The following SPINK6 variants were observed in gnomAD, a reference collection of about 807,000 sequenced individuals.
SPINK6 encodes the protein serine peptidase inhibitor Kazal type 6.
Under a neutral mutation model 11.7 loss-of-function variants are expected in SPINK6, and 13 were observed. The observed-to-expected ratio is 1.11, with a 90% CI of 0.72 to 1.76. The LOEUF is 1.76. Among genes scored for constraint, SPINK6 ranks in the 40% most tolerant of loss-of-function variants. The pLI, the probability that SPINK6 is intolerant of heterozygous loss-of-function variation, is 0.00. For synonymous variants in SPINK6, 21 were observed against 31.9 expected, an observed-to-expected ratio of 0.66 and a Z score of 1.15; for missense variants, 98 against 93.7, an observed-to-expected ratio of 1.05 and a Z score of -0.19.
At chr5:148,214,406 T>C (rs1345116863) in intron 3 of SPINK6, among the ~76,000 whole-genome samples, 3 of 152,222 alleles carry the variant, frequency 2.0e-5, no homozygotes, top group Non-Finnish European at 4.4e-5. Context: ...TCTACACTTA[T>C]ATATAACACA....
At chr5:148,204,744 A>C (rs754875982) in intron 1 of SPINK6, among the ~76,000 whole-genome samples, 5 of 152,134 alleles carry the variant, frequency 3.3e-5, no homozygotes, top group Admixed American at 6.6e-5. Context: ...TGCCATAATA[A>C]AGTTTAATAA....
chr5:148,208,442 G>C (rs1189278712), intron 2 of SPINK6, among the ~76,000 whole-genome samples: 3 of 152,180 alleles, frequency 2.0e-5, no homozygotes, highest in African/African-American at 7.2e-5. Context: ...CAGGACAAAA[G>C]GAAGTAAGAT....
At chr5:148,203,967 T>C (rs1485377991) in intron 1 of SPINK6, among the ~76,000 whole-genome samples, 1 of 152,178 alleles carries the variant, frequency 6.6e-6, no homozygotes, top group African/African-American at 2.4e-5. Flanking sequence ...ATCTCTTCTA[T>C]TAATGGCCTG....
intron 1 of SPINK6, among the ~76,000 whole-genome samples, chr5:148,204,113 T>C (rs777053013): frequency 2.0e-5 from 3 of 147,262 alleles, no homozygotes; most frequent in Non-Finnish European, 3.0e-5. Flanking sequence ...TTTACTACTA[T>C]GCAAGATTTT....
rs751063447 is a variant in SPINK6 at position 148,203,074 on chromosome 5, A to G, written c.-23A>G. The G allele has an allele frequency of 6.2e-7, 1 of 1,600,256 alleles. No individual in the cohort carries two copies. Among genetic ancestry groups the G allele is most frequent in the Non-Finnish European group, 8.5e-7 (1 of 1,175,582 alleles). On this transcript the variant is annotated 5_prime_UTR_variant, in exon 1 of 4. Transcript: ENST00000325630. ...ACCTCAGCTGGACAAAGCAGCCTTG[A>G]TCTGAGTGAGCTAACTGACACAATG...
rs780094639 is a variant in SPINK6, at chr5:148,214,960, A to C, written c.*10A>C. ...TCCTGGAAAATGCTGAGTTAAAGCC[A>C]ATGTTTCTTGGTGACTTGCCAGCTT... On this transcript the variant is annotated 3_prime_UTR_variant, in exon 4 of 4. Coordinates refer to ENST00000325630, the MANE Select transcript of SPINK6 (RefSeq NM_205841.4). 3 of 1,613,436 alleles carry C rather than the reference A, an allele frequency of 1.9e-6. No homozygotes were observed. Among genetic ancestry groups the C allele is most frequent in the Admixed American group, 3.3e-5 (2 of 59,994 alleles).
chr5:148,204,992 T>C (rs1347361922), intron 1 of SPINK6, among the ~76,000 whole-genome samples: 1 of 152,186 alleles, frequency 6.6e-6, no homozygotes, highest in Non-Finnish European at 1.5e-5. Flanking sequence ...TTTTAAGTGA[T>C]TGCCCTAAGA....
chr5:148,203,601 C>T (rs554849416), intron 1 of SPINK6, among the ~76,000 whole-genome samples: 6 of 151,994 alleles, frequency 3.9e-5, no homozygotes, highest in Non-Finnish European at 8.8e-5. Context: ...TTTTGCTTTC[C>T]AGAACAAAGA....
At chr5:148,212,805 A>T (rs1755630395) in intron 2 of SPINK6, among the ~76,000 whole-genome samples, 1 of 133,068 alleles carries the variant, frequency 7.5e-6, no homozygotes, top group Non-Finnish European at 1.5e-5. Context: ...TTTTATATAT[A>T]TAGCAACATA....
intron 3 of SPINK6, among the ~76,000 whole-genome samples, chr5:148,214,366 T>C (rs976692511): frequency 1.8e-4 from 28 of 152,186 alleles, no homozygotes; most frequent in African/African-American, 6.8e-4. Flanking sequence ...CTAATTAGAA[T>C]TTGCAATATC....
chr5:148,212,598 A>C (rs1325397810), intron 2 of SPINK6, among the ~76,000 whole-genome samples: 1 of 104,600 alleles, frequency 9.6e-6, no homozygotes, highest in Non-Finnish European at 1.7e-5. Flanking sequence ...TATTTTATAT[A>C]ATATATAATA....
At chr5:148,214,862 T>TA (rs771068406) in intron 3 of SPINK6, 43 bp from the exon 4 acceptor site, 5 of 1,517,974 alleles carry the variant, frequency 3.3e-6, no homozygotes, top group Non-Finnish European at 4.6e-6. Flanking sequence ...GGTGAGTACT[T>TA]ACGATATTGC....
rs1278441882 is a variant in SPINK6 at position 148,210,032 on chromosome 5, A to ATG, written c.82-3878_82-3877insTG. On this transcript the variant is annotated intron_variant, in intron 2 of 3. Transcript: ENST00000325630. ...CATGTATGTACGCATGTACGCATGC[A>ATG]CAAACGTATGTATGCATATATGTAT... 7.8e-4 allele frequency among the ~76,000 whole-genome samples: 22 copies of ATG among 28,184 alleles called. 3 individuals carry two copies. The highest frequency in any genetic ancestry group is 1.1e-3 in the African/African-American group (21 of 19,198). The allele number at this position is 28,184 out of a possible 152,430, so 18.5% of individuals were successfully genotyped here.
Position 148,210,005 on chromosome 5 carries a change from T to TGTATGTATACACAC in SPINK6, c.82-3905_82-3904insGTATGTATACACAC, listed in dbSNP as rs1434826465. 1.7e-4 allele frequency among the ~76,000 whole-genome samples: 22 copies of TGTATGTATACACAC among 133,258 alleles called. 1 individual carries two copies. The highest frequency in any genetic ancestry group is 6.1e-4 in the African/African-American group (22 of 36,168). 87.4% of individuals were successfully genotyped at this position (133,258 alleles called of 152,430 possible). A position where few individuals can be genotyped will look rare whatever the true frequency, so the allele number is the denominator to read the frequency against. ...GTATGTATACATATACACGTATGTA[T>TGTATGTATACACAC]ACATGTATGTACGCATGTACGCATG... On this transcript the variant is annotated intron_variant, in intron 2 of 3. Coordinates refer to ENST00000325630, the MANE Select transcript of SPINK6 (RefSeq NM_205841.4).
At chr5:148,206,841 C>T (rs532938739) in intron 2 of SPINK6, among the ~76,000 whole-genome samples, 6 of 152,302 alleles carry the variant, frequency 3.9e-5, no homozygotes, top group African/African-American at 9.6e-5. Context: ...TTAGCCTTGG[C>T]GTGCCTTGTT....
At chr5:148,209,969 T>TACGTATGTATGTATGCATACAC (rs1561732069) in intron 2 of SPINK6, among the ~76,000 whole-genome samples, 2 of 126,610 alleles carry the variant, frequency 1.6e-5, no homozygotes, top group East Asian at 2.5e-4. Context: ...TATACATACA[T>TACGTATGTATGTATGCATACAC]ACGTACGTAT....
chr5:148,210,706 C>T (rs555847087), intron 2 of SPINK6, among the ~76,000 whole-genome samples: 1 of 151,834 alleles, frequency 6.6e-6, no homozygotes, highest in East Asian at 1.9e-4. Flanking sequence ...GACCAGAGAA[C>T]CAACATATAA....
chr5:148,212,835 A>G (rs1163497685), intron 2 of SPINK6, among the ~76,000 whole-genome samples: 1 of 140,328 alleles, frequency 7.1e-6, no homozygotes, highest in Admixed American at 7.6e-5. Flanking sequence ...TCTCTAAAGT[A>G]TATATATTTA....
intron 2 of SPINK6, among the ~76,000 whole-genome samples, chr5:148,209,997 C>CAAGTACGTAT (rs1561732192): frequency 6.9e-6 from 1 of 145,892 alleles, no homozygotes; most frequent in Non-Finnish European, 1.5e-5. Context: ...TACATATACA[C>CAAGTACGTAT]GTATGTATAC....
Sources: allele counts gnomAD v4.1 joint callset (sites outside exome capture counted in the v4.1 genomes callset), GRCh38; gene constraint gnomAD v4.1.1; transcripts MANE v1.5; gene names NCBI Gene and HGNC (gene_info 2026-07-23, HGNC 2026-07-21).